HS3ST1: variants seen among roughly 807,000 people sequenced by gnomAD.
HS3ST1 encodes the protein heparan sulfate glucosamine 3-O-sulfotransferase 1.
Under a neutral mutation model 20.7 loss-of-function variants are expected in HS3ST1, and 8 were observed. The observed-to-expected ratio is 0.39, with a 90% confidence interval of 0.23 to 0.70. HS3ST1 has a LOEUF of 0.70. Ranked by LOEUF, HS3ST1 falls within the 30% of genes least tolerant of loss-of-function variation. The probability of loss-of-function intolerance (pLI) is 0.46; values close to 1 mark genes in which losing one functional copy is unlikely to be tolerated. For synonymous variants in HS3ST1, 205 were observed against 190.4 expected, an observed-to-expected ratio of 1.08 and a Z score of -0.63; for missense variants, 436 against 423.4, an observed-to-expected ratio of 1.03 and a Z score of -0.26.
At chr4:11,433,022 T>G (rs903044112), upstream of HS3ST1, among the ~76,000 whole-genome samples, 1 of 152,366 alleles carries the variant, frequency 6.6e-6, no homozygotes, top group African/African-American at 2.4e-5. Context: ...CATATGTGGT[T>G]ATGAGGTCCA....
At chr4:11,426,252 C>T (rs1309793013) in intron 1 of HS3ST1, among the ~76,000 whole-genome samples, 1 of 152,110 alleles carries the variant, frequency 6.6e-6, no homozygotes, top group Non-Finnish European at 1.5e-5. Flanking sequence ...AGGCAGTGTG[C>T]ATGAGTGAAG....
chr4:11,411,692 A>C (rs1718640599), intron 1 of HS3ST1, among the ~76,000 whole-genome samples: 2 of 152,236 alleles, frequency 1.3e-5, no homozygotes, highest in African/African-American at 4.8e-5. Context: ...TTAATCCATC[A>C]GTGGCCTGGT....
chr4:11,416,631 A>G (rs568291899), intron 1 of HS3ST1, among the ~76,000 whole-genome samples: 1 of 152,306 alleles, frequency 6.6e-6, no homozygotes, highest in South Asian at 2.1e-4. Context: ...AGGCAGAAAG[A>G]CGGAGCAGGT....
intron 1 of HS3ST1, among the ~76,000 whole-genome samples, chr4:11,401,825 A>T (rs1329045748): frequency 6.6e-6 from 1 of 152,240 alleles, no homozygotes; most frequent in East Asian, 1.9e-4. Context: ...GCAGTAAAGG[A>T]CACAGGAACT....
At position 11,423,617 on chromosome 4, in the gene HS3ST1, G is replaced by C. The variant is rs79614773; in HGVS notation, c.-109+5082C>G. Among the ~76,000 whole-genome samples the C allele has an allele frequency of 3.3e-3, 503 of 152,202 alleles. 3 individuals carry two copies. Among genetic ancestry groups the C allele is most frequent in the African/African-American group, 0.012 (487 of 41,520 alleles). ...AAGGGCGAGGACTTCCATCTGTTTT[G>C]TTCCCTACTGTGTCACCGGTGAGCA... On this transcript the variant is annotated intron_variant, in intron 1 of 1. Coordinates refer to ENST00000002596, the MANE Select transcript of HS3ST1 (RefSeq NM_005114.4).
At chr4:11,418,478 C>T (rs1332183388) in intron 1 of HS3ST1, among the ~76,000 whole-genome samples, 5 of 152,156 alleles carry the variant, frequency 3.3e-5, no homozygotes, top group Admixed American at 2.0e-4. Flanking sequence ...AGTCATTTCC[C>T]TGTCATCAAA....
intron 1 of HS3ST1, among the ~76,000 whole-genome samples, chr4:11,406,884 T>C (rs1399688593): frequency 6.6e-6 from 1 of 152,118 alleles, no homozygotes; most frequent in Non-Finnish European, 1.5e-5. Context: ...ACCAAACTTC[T>C]GGGCAATCAA....
At chr4:11,430,775 C>T (rs1028481991), upstream of HS3ST1, among the ~76,000 whole-genome samples, 2 of 152,202 alleles carry the variant, frequency 1.3e-5, no homozygotes, top group African/African-American at 4.8e-5. Context: ...TGGAAGTTTC[C>T]ATTTGCAGGA....
intron 1 of HS3ST1, among the ~76,000 whole-genome samples, chr4:11,405,503 GT>G (rs1211301948): frequency 6.6e-6 from 1 of 152,050 alleles, no homozygotes; most frequent in Non-Finnish European, 1.5e-5. Flanking sequence ...GCTCTACTCT[GT>G]CCCCTCGGGC....
In HS3ST1 at chr4:11,397,047, A is replaced by T. The variant is rs1718164570; in HGVS notation, c.*2035T>A. 6 of 152,182 alleles carry T rather than the reference A, an allele frequency of 3.9e-5. 1 individual carries two copies. 9.4% of individuals were successfully genotyped at this position (152,182 alleles called of 1,614,324 possible). On this transcript the variant is annotated 3_prime_UTR_variant, in exon 2 of 2. Coordinates refer to ENST00000002596, the MANE Select transcript of HS3ST1 (RefSeq NM_005114.4). The stretch of plus-strand genomic sequence containing the variant: ...CTCTCATTGCAGTTTCCTTTCAGTC[A>T]CCATATTCCTGAACAGGCTTGGAAA...
Position 11,399,206 on chromosome 4 carries a change from T to G in HS3ST1, c.800A>C (p.His267Pro). The change falls in exon 2 of 2, where the codon CAT becomes CCT. Residue 267 changes from histidine (H) to proline (P), a missense_variant. His to Pro is a moderately conservative substitution (Grantham distance 77). Transcript: ENST00000002596. The surrounding 1 kb of genome is among the most constrained non-coding windows in gnomAD (Gnocchi z 5.1). ...GGGGTGCGCCCGGCCTTTGGACTCA[T>G]GTAAGCAGCGGTCCCGGCCGCTGTC... ...LRDSGRDRCL[H>P]ESKGRAHPQV... The G allele has an allele frequency of 6.2e-7, 1 of 1,614,178 alleles. No homozygotes were observed. The highest frequency in any genetic ancestry group is 1.1e-5 in the South Asian group (1 of 91,084).
At chr4:11,425,646 T>C (rs950633327) in intron 1 of HS3ST1, among the ~76,000 whole-genome samples, 1 of 152,226 alleles carries the variant, frequency 6.6e-6, no homozygotes, top group African/African-American at 2.4e-5. Context: ...AAAATGAACA[T>C]TAAAATAGAT....
intron 1 of HS3ST1, among the ~76,000 whole-genome samples, chr4:11,407,798 T>C (rs1718510151): frequency 6.6e-6 from 1 of 152,242 alleles, no homozygotes. Flanking sequence ...ATGCAGATTC[T>C]AATGCAAGAG....
At chr4:11,403,259 A>G (rs1473130777) in intron 1 of HS3ST1, among the ~76,000 whole-genome samples, 2 of 152,242 alleles carry the variant, frequency 1.3e-5, no homozygotes, top group East Asian at 1.9e-4. Flanking sequence ...TTTATATTAC[A>G]TACACACTGT....
chr4:11,404,809 C>T (rs1718419141), intron 1 of HS3ST1, among the ~76,000 whole-genome samples: 1 of 152,224 alleles, frequency 6.6e-6, no homozygotes, highest in African/African-American at 2.4e-5. Flanking sequence ...ATTGCAGCTC[C>T]CATCTGCAGC....
chr4:11,407,524 T>A (rs1381382304), intron 1 of HS3ST1, among the ~76,000 whole-genome samples: 1 of 152,208 alleles, frequency 6.6e-6, no homozygotes, highest in Non-Finnish European at 1.5e-5. Context: ...ATCTTGGTGT[T>A]ATTTGTGAGC....
chr4:11,430,764 T>C (rs139766719), upstream of HS3ST1, among the ~76,000 whole-genome samples: 8 of 152,320 alleles, frequency 5.3e-5, no homozygotes, highest in East Asian at 1.3e-3. Flanking sequence ...AGAGATTTTG[T>C]TGGAAGTTTC....
chr4:11,433,013 A>T (rs572799195), upstream of HS3ST1, among the ~76,000 whole-genome samples: 1 of 152,208 alleles, frequency 6.6e-6, no homozygotes, highest in African/African-American at 2.4e-5. Flanking sequence ...ACATCTTGGC[A>T]TATGTGGTTA....
At chr4:11,412,278 T>C (rs1244374187) in intron 1 of HS3ST1, among the ~76,000 whole-genome samples, 1 of 152,224 alleles carries the variant, frequency 6.6e-6, no homozygotes, top group Non-Finnish European at 1.5e-5. Flanking sequence ...GACACAGGGA[T>C]ACTCTAAGCC....
Sources: gnomAD v4.1 joint callset for allele counts (sites outside exome capture counted in the v4.1 genomes callset) on GRCh38, gnomAD v4.1.1 for gene constraint, Gnocchi (gnomAD v3.1) non-coding constraint, MANE v1.5 for transcripts, NCBI Gene and HGNC (gene_info 2026-07-23, HGNC 2026-07-21) for gene names.